PEBP4: variants seen among roughly 807,000 people sequenced by gnomAD.
The protein encoded by PEBP4 is phosphatidylethanolamine binding protein 4, also known as phosphatidylethanolamine-binding protein 4.
A neutral mutation model predicts 23.9 loss-of-function variants in PEBP4; 22 were observed. The ratio of observed to expected loss-of-function variants is 0.92; its 90% CI spans 0.66 to 1.31. The LOEUF is 1.31. Among genes scored for constraint, PEBP4 ranks in the 40% most tolerant of loss-of-function variants. The pLI is 0.00. For synonymous variants in PEBP4, 112 were observed against 99.3 expected (o/e 1.13, Z -0.76); for missense variants, 324 against 281.7 (o/e 1.15, Z -1.07).
At chr8:22,782,208 A>T (rs2128755457) in intron 4 of PEBP4, among the ~76,000 whole-genome samples, 1 of 152,246 alleles carries the variant, frequency 6.6e-6, no homozygotes, top group East Asian at 1.9e-4. Context: ...GGGCCCTAAT[A>T]CACTCCCCTT....
At chr8:22,899,910 AC>A (rs33962855) in intron 3 of PEBP4, among the ~76,000 whole-genome samples, 9,279 of 152,102 alleles carry the variant, frequency 0.061, 675 homozygotes, top group African/African-American at 0.17. Flanking sequence ...GGAGAGGTTA[AC>A]CCTTCTCACC....
At chr8:22,915,644 C>T (rs2128779806) in intron 3 of PEBP4, among the ~76,000 whole-genome samples, 1 of 152,350 alleles carries the variant, frequency 6.6e-6, no homozygotes, top group African/African-American at 2.4e-5. Context: ...CCAAATAGTC[C>T]ATGGCGGCTG....
intron 3 of PEBP4, among the ~76,000 whole-genome samples, chr8:22,889,123 ATGACT>A (rs1390213062): frequency 6.6e-6 from 1 of 152,198 alleles, no homozygotes; most frequent in Non-Finnish European, 1.5e-5. Context: ...AACCTCGAAA[ATGACT>A]TGATTTGATT....
In PEBP4 at chr8:22,918,220, C is replaced by T. The variant is rs574649030; in HGVS notation, c.258+1964G>A. On this transcript the variant is annotated intron_variant, in intron 3 of 6. Transcript: ENST00000256404. ...AATCTGCCTTCTCATAGGTCTGTTA[C>T]ATTTCCATAAACTATAGTTCCATAG... Among the ~76,000 whole-genome samples, 48 of 152,350 alleles carry T rather than the reference C, an allele frequency of 3.2e-4. 2 individuals carry two copies. The highest frequency in any genetic ancestry group is 7.2e-4 in the Admixed American group (11 of 15,306).
chr8:22,848,358 G>A (rs1200054918), intron 3 of PEBP4, among the ~76,000 whole-genome samples: 1 of 152,158 alleles, frequency 6.6e-6, no homozygotes, highest in African/African-American at 2.4e-5. Flanking sequence ...CCTGCCGAGA[G>A]TGGAGTATGG....
chr8:22,803,078 C>T (rs774816288), intron 4 of PEBP4, among the ~76,000 whole-genome samples: 28 of 152,156 alleles, frequency 1.8e-4, no homozygotes, highest in Middle Eastern at 3.2e-3. Flanking sequence ...GGCCCTGTAC[C>T]GTGAGACCTC....
chr8:22,897,312 G>T (rs759448254), intron 3 of PEBP4, among the ~76,000 whole-genome samples: 1 of 152,132 alleles, frequency 6.6e-6, no homozygotes, highest in Non-Finnish European at 1.5e-5. Flanking sequence ...GATGTGATGC[G>T]TTCAGAAGCA....
At chr8:22,736,383 T>C (rs1044396388) in intron 4 of PEBP4, among the ~76,000 whole-genome samples, 35 of 152,140 alleles carry the variant, frequency 2.3e-4, no homozygotes, top group Non-Finnish European at 2.9e-4. Context: ...GGCAGGAGGA[T>C]TGCTTAGGGC....
intron 3 of PEBP4, among the ~76,000 whole-genome samples, chr8:22,836,316 A>T (rs773632940): frequency 6.6e-6 from 1 of 152,222 alleles, no homozygotes; most frequent in Non-Finnish European, 1.5e-5. Context: ...CTTGTCTCCA[A>T]ATTCCACTCT....
At chr8:22,861,234 C>G (rs1041011408) in intron 3 of PEBP4, among the ~76,000 whole-genome samples, 1 of 152,186 alleles carries the variant, frequency 6.6e-6, no homozygotes, top group Non-Finnish European at 1.5e-5. Context: ...CTTTAGCCTA[C>G]TGAAGTCAGC....
At chr8:22,904,636 A>AGAGGTCAGAG (rs1808774596) in intron 3 of PEBP4, among the ~76,000 whole-genome samples, 1 of 152,232 alleles carries the variant, frequency 6.6e-6, no homozygotes. Flanking sequence ...AAGGAGATCC[A>AGAGGTCAGAG]ATGTTAACAT....
At position 22,769,050 on chromosome 8, in the gene PEBP4, G is replaced by C. The variant is rs183510845; in HGVS notation, c.358-41830C>G. The stretch of plus-strand genomic sequence containing the variant: ...TCTGCTGGAAACTAAGGTCCAGGTG[G>C]ATCCTTTTGATGTGAGAAGCAGCTC... On this transcript the variant is annotated intron_variant, in intron 4 of 6. Transcript: ENST00000256404. 1.9e-3 allele frequency among the ~76,000 whole-genome samples: 290 copies of C among 152,288 alleles called. 2 individuals are homozygous for C. The highest frequency in any genetic ancestry group is 6.8e-3 in the African/African-American group (281 of 41,560).
At chr8:22,798,728 C>CA (rs1806317417) in intron 4 of PEBP4, 1 of 84,220 alleles carries the variant, frequency 1.2e-5, no homozygotes, top group Non-Finnish European at 2.4e-5. Context: ...TTTCTTTTTT[C>CA]TTTTTTTTTT....
Position 22,806,990 on chromosome 8 carries a change from T to C in PEBP4, c.357+10647A>G, listed in dbSNP as rs568154500. Reference sequence around the variant, plus strand: ...ATGTGCACTGTTTTCTTTTCTATATTGTCTCAGACCATCTGCTTATTAAAC... The same window carrying C: ...ATGTGCACTGTTTTCTTTTCTATATCGTCTCAGACCATCTGCTTATTAAAC... On this transcript the variant is annotated intron_variant, in intron 4 of 6. Transcript: ENST00000256404. Among the ~76,000 whole-genome samples, 6 of 152,372 alleles carry C rather than the reference T, an allele frequency of 3.9e-5. No homozygotes were observed. In the South Asian group the frequency reaches 1.0e-3, roughly 26 times the overall value.
chr8:22,802,825 T>G (rs1200276597), intron 4 of PEBP4, among the ~76,000 whole-genome samples: 1 of 152,194 alleles, frequency 6.6e-6, no homozygotes, highest in African/African-American at 2.4e-5. Flanking sequence ...AGTCGAGGGC[T>G]GCTTAGTGGA....
At chr8:22,787,796 T>C (rs1395926582) in intron 4 of PEBP4, among the ~76,000 whole-genome samples, 1 of 151,992 alleles carries the variant, frequency 6.6e-6, no homozygotes, top group African/African-American at 2.4e-5. Context: ...GTTTCCTAGG[T>C]GAGAGGGGGC....
At chr8:22,777,610 C>T (rs2128754796) in intron 4 of PEBP4, among the ~76,000 whole-genome samples, 1 of 152,310 alleles carries the variant, frequency 6.6e-6, no homozygotes, top group East Asian at 1.9e-4. Context: ...CCATCGGATA[C>T]AGGGTTCTCT....
At chr8:22,890,904 T>C (rs894715763) in intron 3 of PEBP4, among the ~76,000 whole-genome samples, 1 of 152,214 alleles carries the variant, frequency 6.6e-6, no homozygotes, top group Non-Finnish European at 1.5e-5. Flanking sequence ...CTCAGCTCAC[T>C]GCAACTTCTG....
chr8:22,938,281 C>G (rs1344518661), intron 1 of PEBP4, among the ~76,000 whole-genome samples: 1 of 152,194 alleles, frequency 6.6e-6, no homozygotes, highest in Non-Finnish European at 1.5e-5. Flanking sequence ...TCTTCCCAAT[C>G]AGCTGTGCTC....
Sources: allele counts gnomAD v4.1 joint callset (sites outside exome capture counted in the v4.1 genomes callset), GRCh38; gene constraint gnomAD v4.1.1; transcripts MANE v1.5; gene names NCBI Gene and HGNC (gene_info 2026-07-23, HGNC 2026-07-21).